ARHGAP42: variants seen among roughly 807,000 people sequenced by gnomAD.
The protein encoded by ARHGAP42 is rho GTPase-activating protein 42.
ARHGAP42 carries 63 observed loss-of-function variants against 125.0 expected under a neutral mutation model. That is an observed-to-expected ratio of 0.50 (90% CI 0.41 to 0.62). The LOEUF is 0.62. Among genes scored for constraint, ARHGAP42 ranks in the 20% least tolerant of loss-of-function variants. The pLI is 0.00. For missense variants in ARHGAP42, 766 were observed against 1,024.2 expected (o/e 0.75, Z 3.44); for synonymous variants, 339 against 351.0 (o/e 0.97, Z 0.38).
At chr11:100,803,984 G>A (rs1251425545) in intron 3 of ARHGAP42, among the ~76,000 whole-genome samples, 1 of 151,918 alleles carries the variant, frequency 6.6e-6, no homozygotes, top group Non-Finnish European at 1.5e-5. Context: ...TTTGCTTTAG[G>A]TTTTCCAGAA....
chr11:100,777,824 G>GTCA (rs1212421182), intron 2 of ARHGAP42, among the ~76,000 whole-genome samples: 4 of 152,032 alleles, frequency 2.6e-5, no homozygotes, highest in African/African-American at 9.7e-5. Context: ...TCAGAATTTG[G>GTCA]TCATGAGTAC....
Position 100,992,269 on chromosome 11 carries a change from CT to C in ARHGAP42, c.*3471del, listed in dbSNP as rs1565311251. The C allele has an allele frequency of 6.5e-7, 1 of 1,541,506 alleles. No homozygotes were observed. The highest frequency in any genetic ancestry group is 2.3e-5 in the East Asian group (1 of 44,338). Reference sequence around the variant, plus strand: ...ACCAATTTAGGGAACAGATTTTGTTCTTTGCTTTTATGATACATTTGTAACT... The same window carrying C: ...ACCAATTTAGGGAACAGATTTTGTTCTTGCTTTTATGATACATTTGTAACT... On this transcript the variant is annotated 3_prime_UTR_variant, in exon 24 of 24. Transcript: ENST00000298815.
intron 3 of ARHGAP42, among the ~76,000 whole-genome samples, chr11:100,824,555 G>A (rs1001903402): frequency 1.9e-4 from 29 of 152,282 alleles, no homozygotes; most frequent in African/African-American, 6.3e-4. Flanking sequence ...ATAACTAGTT[G>A]TATATATGAT....
intron 13 of ARHGAP42, among the ~76,000 whole-genome samples, chr11:100,960,353 G>A (rs7110858): frequency 0.59 from 89,397 of 151,418 alleles, 27,138 homozygotes; most frequent in African/African-American, 0.68. Context: ...ACCTTTCTTC[G>A]TTTTAATCAT....
intron 4 of ARHGAP42, among the ~76,000 whole-genome samples, chr11:100,869,808 A>T (rs1034717411): frequency 1.3e-5 from 2 of 152,146 alleles, no homozygotes; most frequent in African/African-American, 4.8e-5. Context: ...TTATAATTTG[A>T]TGGTACTTAC....
chr11:100,896,903 A>G (rs1866379562), intron 4 of ARHGAP42, among the ~76,000 whole-genome samples: 2 of 152,268 alleles, frequency 1.3e-5, no homozygotes, highest in East Asian at 3.9e-4. Flanking sequence ...TTTAGTCATG[A>G]AGTCCTTGCC....
chr11:100,825,067 A>G (rs1864483933), intron 3 of ARHGAP42, among the ~76,000 whole-genome samples: 1 of 152,210 alleles, frequency 6.6e-6, no homozygotes, highest in Non-Finnish European at 1.5e-5. Context: ...AGTAATGGCA[A>G]TGGAAGTGCT....
intron 3 of ARHGAP42, among the ~76,000 whole-genome samples, chr11:100,827,497 C>T (rs7103399): frequency 0.13 from 19,528 of 152,126 alleles, 2,068 homozygotes; most frequent in East Asian, 0.32. Context: ...CCCAAAGGTG[C>T]ATGGATCCCA....
intron 4 of ARHGAP42, among the ~76,000 whole-genome samples, chr11:100,903,731 T>C (rs1370154317): frequency 2.0e-5 from 2 of 102,184 alleles, no homozygotes; most frequent in Non-Finnish European, 4.1e-5. Flanking sequence ...TATATATATA[T>C]ATATATATAT....
intron 3 of ARHGAP42, among the ~76,000 whole-genome samples, chr11:100,820,074 G>T (rs1364745545): frequency 1.3e-5 from 2 of 152,128 alleles, no homozygotes; most frequent in African/African-American, 4.8e-5. Flanking sequence ...AAAAGGTAAA[G>T]CATAATAAAG....
At chr11:100,901,749 T>C (rs756885803) in intron 4 of ARHGAP42, among the ~76,000 whole-genome samples, 1 of 152,228 alleles carries the variant, frequency 6.6e-6, no homozygotes, top group Admixed American at 6.5e-5. Flanking sequence ...CCTTGTCTGC[T>C]GGTTGCTAAG....
At chr11:100,815,801 C>G (rs781014959) in intron 3 of ARHGAP42, among the ~76,000 whole-genome samples, 1 of 152,116 alleles carries the variant, frequency 6.6e-6, no homozygotes, top group South Asian at 2.1e-4. Flanking sequence ...CAACAGTTCC[C>G]TATCTCCCCC....
chr11:100,986,176 C>T (rs1858674073), intron 22 of ARHGAP42: 1 of 449,144 alleles, frequency 2.2e-6, no homozygotes, highest in Admixed American at 2.4e-5. Flanking sequence ...TAACAAAATA[C>T]CAGATACTAA....
intron 6 of ARHGAP42, among the ~76,000 whole-genome samples, chr11:100,924,749 A>G (rs1229063658): frequency 6.6e-6 from 1 of 152,106 alleles, no homozygotes; most frequent in Non-Finnish European, 1.5e-5. Context: ...CACATGAACT[A>G]AAAGGGGACA....
At chr11:100,787,135 G>A (rs542058535) in intron 2 of ARHGAP42, among the ~76,000 whole-genome samples, 2 of 152,084 alleles carry the variant, frequency 1.3e-5, no homozygotes, top group East Asian at 1.9e-4. Flanking sequence ...AAAATTAGGC[G>A]GGCATGGTGG....
rs941665325 is a variant in ARHGAP42, at chr11:100,988,960, G to GA, written c.*166dup. On this transcript the variant is annotated 3_prime_UTR_variant, in exon 24 of 24. Coordinates refer to ENST00000298815, the MANE Select transcript of ARHGAP42 (RefSeq NM_152432.4). ...CAGACTATGTAGCTCCTTATTAATG[G>GA]AAAAAAAGATTTAAATTGTTGGCCA... 8 of 473,034 alleles carry GA rather than the reference G, an allele frequency of 1.7e-5. No homozygotes were observed. The highest frequency in any genetic ancestry group is 1.2e-4 in the South Asian group (2 of 16,814). The allele number at this position is 473,034 out of a possible 1,614,324, so 29.3% of individuals were successfully genotyped here.
At chr11:100,876,534 G>A (rs893337103) in intron 4 of ARHGAP42, among the ~76,000 whole-genome samples, 7 of 152,072 alleles carry the variant, frequency 4.6e-5, no homozygotes, top group East Asian at 1.9e-4. Flanking sequence ...ATCTCATCAC[G>A]GATTTGTCTG....
Position 100,943,783 on chromosome 11 carries a change from G to A in ARHGAP42, c.958G>A (p.Glu320Lys). 2 of 1,549,660 alleles carry A rather than the reference G, an allele frequency of 1.3e-6. No homozygotes were observed. The highest frequency in any genetic ancestry group is 1.2e-5 in the South Asian group (1 of 83,924). Residue 320 changes from glutamate (E) to lysine (K), a missense_variant, in exon 10 of 24, where the codon GAA becomes AAA. Glu to Lys is a moderately conservative substitution (Grantham distance 56, BLOSUM62 1). Around this residue, in one of 3 missense-constraint regions of ARHGAP42, gnomAD observed 455 missense variants for 636.5 expected, o/e 0.71. Coordinates refer to ENST00000298815, the MANE Select transcript of ARHGAP42 (RefSeq NM_152432.4). ...KMNGLVTSSP[E>K]MFKLKSCIRR... The stretch of plus-strand genomic sequence containing the variant: ...GAATGGCCTTGTTACTAGCTCACCG[G>A]AAATGTTTAAATTAAAATCTTGTAT...
intron 3 of ARHGAP42, among the ~76,000 whole-genome samples, chr11:100,823,079 A>T (rs988531475): frequency 1.3e-5 from 2 of 152,122 alleles, no homozygotes; most frequent in African/African-American, 2.4e-5. Flanking sequence ...AGTCTGGCTG[A>T]TCTCCACCCT....
Sources: allele counts gnomAD v4.1 joint callset (sites outside exome capture counted in the v4.1 genomes callset), GRCh38; gene constraint gnomAD v4.1.1; regional missense constraint gnomAD v4.1.1; transcripts MANE v1.5; gene names NCBI Gene and HGNC (gene_info 2026-07-23, HGNC 2026-07-21).